Variants in GALNT18 observed in about 807,000 individuals in gnomAD.
The protein encoded by GALNT18 is GalNAc-transferase 18.
A neutral mutation model predicts 69.5 loss-of-function variants in GALNT18; 44 were observed. That is an observed-to-expected ratio of 0.63 (90% CI 0.50 to 0.81). The LOEUF (loss-of-function observed/expected upper bound fraction) is 0.81, where lower values mean the gene tolerates loss of function less well. GALNT18 is among the 40% of genes least tolerant of loss of function. GALNT18 has a pLI of 0.00. For synonymous variants in GALNT18, 364 were observed against 318.2 expected, an observed-to-expected ratio of 1.14 and a Z score of -1.53; for missense variants, 715 against 810.0, an observed-to-expected ratio of 0.88 and a Z score of 1.42.
In GALNT18 at chr11:11,594,848, TACATAC is replaced by T. The variant is rs1565032720; in HGVS notation, c.235+26505_235+26510del. ...ATATATATATATATATATACACATATACATACATACACACACATAAATATATATATA... is the reference window on the plus strand; with the variant it reads ...ATATATATATATATATATACACATATATACACACACATAAATATATATATA... On this transcript the variant is annotated intron_variant, in intron 1 of 10. Coordinates refer to ENST00000227756, the MANE Select transcript of GALNT18 (RefSeq NM_198516.3). Among the ~76,000 whole-genome samples, 549 of 114,242 alleles carry T rather than the reference TACATAC, an allele frequency of 4.8e-3. 2 individuals are homozygous for T. Among genetic ancestry groups the T allele is most frequent in the African/African-American group, 0.017 (532 of 30,942 alleles). 74.9% of individuals were successfully genotyped at this position (114,242 alleles called of 152,430 possible). A position where few individuals can be genotyped will look rare whatever the true frequency, so the allele number is the denominator to read the frequency against.
chr11:11,520,720 G>T (rs1039926142), intron 1 of GALNT18, among the ~76,000 whole-genome samples: 4 of 152,188 alleles, frequency 2.6e-5, no homozygotes, highest in African/African-American at 9.7e-5. Flanking sequence ...CACGATGGGA[G>T]GGTTAAAGAT....
At chr11:11,569,319 G>T (rs1368831121) in intron 1 of GALNT18, among the ~76,000 whole-genome samples, 3 of 151,100 alleles carry the variant, frequency 2.0e-5, no homozygotes, top group African/African-American at 7.3e-5. Flanking sequence ...TTCTACTTGT[G>T]GTTTATCTTC....
At chr11:11,471,373 A>G (rs1208971731) in intron 1 of GALNT18, among the ~76,000 whole-genome samples, 1 of 152,208 alleles carries the variant, frequency 6.6e-6, no homozygotes, top group Non-Finnish European at 1.5e-5. Context: ...TTACCTATAA[A>G]GCAGTGAGTC....
intron 3 of GALNT18, among the ~76,000 whole-genome samples, chr11:11,397,240 C>T (rs930712947): frequency 3.9e-5 from 6 of 152,056 alleles, no homozygotes; most frequent in South Asian, 2.1e-4. Flanking sequence ...GGGAAATGCC[C>T]GTGTCTTTTC....
At chr11:11,348,737 A>C (rs144320120) in intron 6 of GALNT18, among the ~76,000 whole-genome samples, 1 of 152,114 alleles carries the variant, frequency 6.6e-6, no homozygotes, top group Non-Finnish European at 1.5e-5. Flanking sequence ...CTTTACTGGA[A>C]ATTCCCATGC....
rs984341036 is a variant in GALNT18, at chr11:11,497,217, A to G, written c.236-48281T>C. ...CAACCAGCCAACATCAGCACCCTCA[A>G]CTGACCCTTGTCAGTCCCTCTACCA... On this transcript the variant is annotated intron_variant, in intron 1 of 10. Transcript: ENST00000227756. The surrounding 1 kb of genome is among the most constrained non-coding windows in gnomAD (Gnocchi z 4.2). 6.6e-6 allele frequency among the ~76,000 whole-genome samples: 1 copy of G among 151,628 alleles called. No homozygotes were observed. The highest frequency in any genetic ancestry group is 2.1e-4 in the South Asian group (1 of 4,780).
At chr11:11,306,295 G>T (rs1482336924) in intron 9 of GALNT18, among the ~76,000 whole-genome samples, 1 of 152,122 alleles carries the variant, frequency 6.6e-6, no homozygotes, top group East Asian at 1.9e-4. Context: ...GTCAATGTGG[G>T]ATCTGGACTC....
At chr11:11,390,498 G>C (rs1854161312) in intron 3 of GALNT18, among the ~76,000 whole-genome samples, 1 of 152,180 alleles carries the variant, frequency 6.6e-6, no homozygotes, top group South Asian at 2.1e-4. Flanking sequence ...CATCCTCTGG[G>C]GGAAGAGTTA....
At chr11:11,535,854 C>T (rs1857761070) in intron 1 of GALNT18, among the ~76,000 whole-genome samples, 2 of 152,180 alleles carry the variant, frequency 1.3e-5, no homozygotes, top group Admixed American at 1.3e-4. Flanking sequence ...CTCCCTGGGG[C>T]CTCACAGTGG....
chr11:11,424,676 C>G (rs1855087181), intron 3 of GALNT18, among the ~76,000 whole-genome samples: 1 of 152,056 alleles, frequency 6.6e-6, no homozygotes, highest in Admixed American at 6.6e-5. Context: ...CAGTCAATAA[C>G]CAGGTAAAAC....
chr11:11,365,759 G>T (rs1265185355), intron 6 of GALNT18, among the ~76,000 whole-genome samples: 1 of 152,088 alleles, frequency 6.6e-6, no homozygotes, highest in African/African-American at 2.4e-5. Flanking sequence ...TCTCATTTAT[G>T]ATAAAGTATC....
At chr11:11,280,151 C>T (rs887748770) in intron 10 of GALNT18, among the ~76,000 whole-genome samples, 2 of 152,120 alleles carry the variant, frequency 1.3e-5, no homozygotes, top group Non-Finnish European at 2.9e-5. Context: ...CACCCCCCGC[C>T]CGGGGAGTGC....
chr11:11,493,270 A>C (rs1446559668), intron 1 of GALNT18, among the ~76,000 whole-genome samples: 2 of 2,238 alleles, frequency 8.9e-4, no homozygotes, highest in Non-Finnish European at 5.5e-3. Context: ...TTCATCTCAA[A>C]AAAAAAAAAA....
rs1005958547 is a variant in GALNT18, at chr11:11,509,453, A to G, written c.236-60517T>C. Reference sequence around the variant, plus strand: ...GGAGCACTGTGATTCTTAGGACCCAATACATCTTAATCTAGCCTTGGGTGA... The same window carrying G: ...GGAGCACTGTGATTCTTAGGACCCAGTACATCTTAATCTAGCCTTGGGTGA... On this transcript the variant is annotated intron_variant, in intron 1 of 10. Coordinates refer to ENST00000227756, the MANE Select transcript of GALNT18 (RefSeq NM_198516.3). Among the ~76,000 whole-genome samples the G allele has an allele frequency of 3.9e-5, 6 of 152,310 alleles. No homozygotes were observed. The East Asian group carries it at 1.2e-3, about 29-fold the overall frequency.
intron 9 of GALNT18, among the ~76,000 whole-genome samples, chr11:11,302,443 C>T (rs997193071): frequency 2.0e-5 from 3 of 152,238 alleles, no homozygotes; most frequent in Non-Finnish European, 4.4e-5. Context: ...GCCACTGCTC[C>T]TCCCTTTCCT....
intron 1 of GALNT18, among the ~76,000 whole-genome samples, chr11:11,548,129 A>G (rs114786611): frequency 0.012 from 1,872 of 152,322 alleles, 43 homozygotes; most frequent in African/African-American, 0.042. Context: ...CAGATTTTCT[A>G]AATTTGCCAT....
rs1354783739 is a variant in GALNT18, at chr11:11,546,645, C to T, written c.235+74714G>A. Among the ~76,000 whole-genome samples, 1 of 152,228 alleles carries T rather than the reference C, an allele frequency of 6.6e-6. No homozygotes were observed. Among genetic ancestry groups the T allele is most frequent in the Non-Finnish European group, 1.5e-5 (1 of 68,050 alleles). ...CAGCCAACCTACCTAGTGTTATCTA[C>T]TGTCCACATACTCTGACCTCTAACC... is the stretch of plus-strand genomic sequence containing the variant. On this transcript the variant is annotated intron_variant, in intron 1 of 10. Transcript: ENST00000227756. This position sits in a 1 kb window ranked among gnomAD's most constrained non-coding sequence, Gnocchi z 5.8.
rs760304514 is a variant in GALNT18, at chr11:11,332,666, T to C, written c.1416+28A>G. On this transcript the variant is annotated intron_variant, in intron 8 of 10. Transcript: ENST00000227756. The surrounding 1 kb of genome is among the most constrained non-coding windows in gnomAD (Gnocchi z 4.3). ...ATGTTTCTTTCTGTCTGTGTCTGAA[T>C]GAAACCCGGAGGAGGCCAGCTCCTT... 36 of 1,611,648 alleles carry C rather than the reference T, an allele frequency of 2.2e-5. No individual in the cohort carries two copies. The South Asian group carries it at 3.8e-4, about 17-fold the overall frequency.
At chr11:11,378,312 A>T (rs996582403) in intron 4 of GALNT18, among the ~76,000 whole-genome samples, 6 of 152,126 alleles carry the variant, frequency 3.9e-5, no homozygotes, top group Non-Finnish European at 8.8e-5. Flanking sequence ...GACCCCAGTG[A>T]CAACAGGCAT....
Sources: gnomAD v4.1 joint callset for allele counts (sites outside exome capture counted in the v4.1 genomes callset) on GRCh38, gnomAD v4.1.1 for gene constraint, Gnocchi (gnomAD v3.1) non-coding constraint, MANE v1.5 for transcripts, NCBI Gene and HGNC (gene_info 2026-07-23, HGNC 2026-07-21) for gene names.